Variants in YPEL2 observed in about 807,000 individuals in gnomAD.
YPEL2 encodes the protein protein yippee-like 2.
YPEL2 carries 2 observed loss-of-function variants against 19.1 expected under a neutral mutation model. That is an observed-to-expected ratio of 0.10 (90% CI 0.04 to 0.33). The LOEUF (loss-of-function observed/expected upper bound fraction) is 0.33. YPEL2 is among the 10% of genes least tolerant of loss of function. The pLI, the probability that YPEL2 is intolerant of heterozygous loss-of-function variation, is 1.00. For synonymous variants in YPEL2, 52 were observed against 50.0 expected, an observed-to-expected ratio of 1.04 and a Z score of -0.17; for missense variants, 66 against 140.7, an observed-to-expected ratio of 0.47 and a Z score of 2.68.
At chr17:59,362,637 G>T (rs956571136) in intron 2 of YPEL2, 1 of 152,142 alleles carries the variant, frequency 6.6e-6, no homozygotes, top group African/African-American at 2.4e-5. Flanking sequence ...TGCCTTTAAG[G>T]TTCCAATCAT....
At chr17:59,369,139 C>T (rs2047884724) in intron 2 of YPEL2, among the ~76,000 whole-genome samples, 1 of 152,128 alleles carries the variant, frequency 6.6e-6, no homozygotes, top group Non-Finnish European at 1.5e-5. Flanking sequence ...TCATTGAAAG[C>T]GGGCAATTGC....
chr17:59,385,415 C>CA (rs964376683), intron 2 of YPEL2, among the ~76,000 whole-genome samples: 3 of 151,684 alleles, frequency 2.0e-5, no homozygotes, highest in African/African-American at 4.9e-5. Flanking sequence ...TCCGTCTCTA[C>CA]AAAAAATCCA....
intron 2 of YPEL2, among the ~76,000 whole-genome samples, chr17:59,370,610 T>C (rs1335287399): frequency 6.6e-6 from 1 of 152,180 alleles, no homozygotes; most frequent in Non-Finnish European, 1.5e-5. Context: ...TCAGACTGTC[T>C]GCCTCGCTTT....
chr17:59,333,084 C>T (rs939331842), intron 1 of YPEL2, among the ~76,000 whole-genome samples: 1 of 152,256 alleles, frequency 6.6e-6, no homozygotes, highest in East Asian at 1.9e-4. Context: ...CTTGATTTCA[C>T]ATGGTTATTG....
chr17:59,372,920 C>T lies in YPEL2; in HGVS notation c.118-15407C>T, dbSNP rs199797429. Among the ~76,000 whole-genome samples the T allele has an allele frequency of 7.2e-5, 11 of 152,368 alleles. No homozygotes were observed. In the East Asian group the frequency reaches 2.1e-3, roughly 29 times the overall value. ...TTTGACATGGGCTCTGTTGCCCAGTCTGGAGTGCAATGGCATGGTCTCGGC... is the reference window on the plus strand; with the variant it reads ...TTTGACATGGGCTCTGTTGCCCAGTTTGGAGTGCAATGGCATGGTCTCGGC... On this transcript the variant is annotated intron_variant, in intron 2 of 4. Coordinates refer to ENST00000312655, the MANE Select transcript of YPEL2 (RefSeq NM_001005404.4).
intron 1 of YPEL2, among the ~76,000 whole-genome samples, chr17:59,335,709 C>A (rs1337966336): frequency 6.6e-6 from 1 of 152,006 alleles, no homozygotes; most frequent in Non-Finnish European, 1.5e-5. Context: ...CCACCACGCC[C>A]GGCTAATTTT....
chr17:59,397,063 G>A, intron 4 of YPEL2, 38 bp from the exon 5 acceptor site: 9 of 1,511,218 alleles, frequency 6.0e-6, no homozygotes, highest in South Asian at 2.4e-5. Flanking sequence ...CTTGTCTTTG[G>A]TCGTTCAGTA....
chr17:59,359,902 TTTTA>T (rs1398723145), intron 2 of YPEL2, among the ~76,000 whole-genome samples: 1 of 152,130 alleles, frequency 6.6e-6, no homozygotes, highest in Non-Finnish European at 1.5e-5. Context: ...AGTGTTTCTT[TTTTA>T]TTTATTTTTT....
chr17:59,345,545 A>G (rs533070578), intron 1 of YPEL2, among the ~76,000 whole-genome samples: 1 of 152,278 alleles, frequency 6.6e-6, no homozygotes, highest in South Asian at 2.1e-4. Context: ...AACTTTTTCA[A>G]TACAGTAAGT....
intron 2 of YPEL2, among the ~76,000 whole-genome samples, chr17:59,371,304 T>A (rs561766308): frequency 6.6e-6 from 1 of 152,270 alleles, no homozygotes; most frequent in African/African-American, 2.4e-5. Context: ...TCTGCAGGCA[T>A]AGTGGGCTCT....
At chr17:59,354,912 T>C (rs540444159) in intron 2 of YPEL2, 1 of 152,128 alleles carries the variant, frequency 6.6e-6, no homozygotes, top group East Asian at 1.9e-4. Flanking sequence ...AGAGAGGAGT[T>C]GGTCTCTTGG....
At chr17:59,379,026 G>A (rs917827378) in intron 2 of YPEL2, among the ~76,000 whole-genome samples, 4 of 152,212 alleles carry the variant, frequency 2.6e-5, no homozygotes, top group African/African-American at 9.7e-5. Context: ...AAGACGAATA[G>A]AGTCAGGAAG....
rs1253696608 is a variant in YPEL2 at position 59,401,471 on chromosome 17, A to G, written c.*4281A>G. The G allele has an allele frequency of 2.6e-5, 4 of 152,626 alleles. No individual in the cohort carries two copies. The highest frequency in any genetic ancestry group is 5.9e-5 in the Non-Finnish European group (4 of 68,034). The allele number at this position is 152,626 out of a possible 1,614,324, so 9.5% of individuals were successfully genotyped here. On this transcript the variant is annotated 3_prime_UTR_variant, in exon 5 of 5. Transcript: ENST00000312655. ...TTCCCTTTCCCAACCTGCAGAGACT[A>G]TCTTCCAATACAGAATCTGTCTATT... is the stretch of plus-strand genomic sequence containing the variant.
intron 2 of YPEL2, among the ~76,000 whole-genome samples, chr17:59,363,617 A>G (rs73325122): frequency 0.28 from 42,961 of 152,048 alleles, 6,705 homozygotes; most frequent in Middle Eastern, 0.42. Context: ...CCAGCTGAAC[A>G]CTTTCCTCTT....
chr17:59,342,116 T>A (rs909809960), intron 1 of YPEL2, among the ~76,000 whole-genome samples: 3 of 152,212 alleles, frequency 2.0e-5, no homozygotes, highest in Non-Finnish European at 4.4e-5. Flanking sequence ...TTTATTTGAA[T>A]TGGGAGATTA....
intron 1 of YPEL2, among the ~76,000 whole-genome samples, chr17:59,332,071 C>T (rs1412324157): frequency 1.3e-5 from 2 of 152,024 alleles, no homozygotes; most frequent in Non-Finnish European, 2.9e-5. Context: ...CGGAGGGAGC[C>T]CAAGGGCGCG....
chr17:59,377,291 GGGCCCGAT>G (rs1357010607), intron 2 of YPEL2, among the ~76,000 whole-genome samples: 1 of 152,136 alleles, frequency 6.6e-6, no homozygotes, highest in Admixed American at 6.5e-5. Flanking sequence ...TTGTTTTCAA[GGGCCCGAT>G]GGCTTTGAGA....
chr17:59,386,362 C>T (rs982694721), intron 2 of YPEL2, among the ~76,000 whole-genome samples: 1 of 151,704 alleles, frequency 6.6e-6, no homozygotes, highest in African/African-American at 2.4e-5. Context: ...AAAGGAAATG[C>T]AGGGAACATG....
intron 1 of YPEL2, among the ~76,000 whole-genome samples, chr17:59,337,333 G>A (rs918536456): frequency 6.6e-6 from 1 of 151,640 alleles, no homozygotes; most frequent in East Asian, 1.9e-4. Context: ...GACTACAGGC[G>A]CCCACCATCA....
Sources: gnomAD v4.1 joint callset for allele counts (sites outside exome capture counted in the v4.1 genomes callset) on GRCh38, gnomAD v4.1.1 for gene constraint, MANE v1.5 for transcripts, NCBI Gene and HGNC (gene_info 2026-07-23, HGNC 2026-07-21) for gene names.